Variants in KCNMB2 observed in about 807,000 individuals in gnomAD.
KCNMB2 encodes the protein calcium-activated potassium channel subunit beta-2.
KCNMB2 carries 9 observed loss-of-function variants against 24.5 expected under a neutral mutation model. That is an observed-to-expected ratio of 0.37 (90% CI 0.22 to 0.64). KCNMB2 has a LOEUF of 0.64. Ranked by LOEUF, KCNMB2 falls within the 30% of genes least tolerant of loss-of-function variation. The probability of loss-of-function intolerance (pLI) is 0.63; values close to 1 mark genes in which losing one functional copy is unlikely to be tolerated. For synonymous variants in KCNMB2, 109 were observed against 104.4 expected, an observed-to-expected ratio of 1.04 and a Z score of -0.27; for missense variants, 226 against 284.3, an observed-to-expected ratio of 0.79 and a Z score of 1.47.
intron 1 of KCNMB2, among the ~76,000 whole-genome samples, chr3:178,769,576 C>G (rs558314384): frequency 6.6e-6 from 1 of 152,206 alleles, no homozygotes; most frequent in South Asian, 2.1e-4. Flanking sequence ...TAATAATATT[C>G]CAGAAAAGAA....
chr3:178,537,747 T>C (rs1336494519), intron 1 of KCNMB2, among the ~76,000 whole-genome samples: 1 of 152,178 alleles, frequency 6.6e-6, no homozygotes, highest in Non-Finnish European at 1.5e-5. Context: ...CAATGTGAAG[T>C]GGCAGAAACA....
chr3:178,814,765 C>G (rs557954033), intron 2 of KCNMB2, among the ~76,000 whole-genome samples: 5 of 151,924 alleles, frequency 3.3e-5, no homozygotes, highest in African/African-American at 1.2e-4. Context: ...ATATATGTGT[C>G]TTTTTTTTGA....
At chr3:178,730,405 A>ACCCCCCCCCCC (rs71181246) in intron 1 of KCNMB2, among the ~76,000 whole-genome samples, 4 of 112,148 alleles carry the variant, frequency 3.6e-5, no homozygotes, top group Admixed American at 9.2e-5. Context: ...GTCCCCCAAC[A>ACCCCCCCCCCC]CCCCCCCACA....
At chr3:178,551,826 T>G (rs1715963004) in intron 1 of KCNMB2, among the ~76,000 whole-genome samples, 1 of 152,088 alleles carries the variant, frequency 6.6e-6, no homozygotes, top group South Asian at 2.1e-4. Flanking sequence ...GTACACAACT[T>G]GTAGATGGCA....
At chr3:178,551,164 T>C (rs949582633) in intron 1 of KCNMB2, among the ~76,000 whole-genome samples, 3 of 152,150 alleles carry the variant, frequency 2.0e-5, no homozygotes, top group Admixed American at 6.5e-5. Context: ...AAAGGGCCGG[T>C]GAGGATGAAG....
chr3:178,571,200 G>C (rs1716766430), intron 1 of KCNMB2, among the ~76,000 whole-genome samples: 1 of 151,620 alleles, frequency 6.6e-6, no homozygotes, highest in African/African-American at 2.4e-5. Context: ...ATGTGTAGCA[G>C]AGTCTTTTGT....
At chr3:178,593,475 T>C (rs917336498) in intron 1 of KCNMB2, among the ~76,000 whole-genome samples, 7 of 152,166 alleles carry the variant, frequency 4.6e-5, no homozygotes, top group African/African-American at 1.4e-4. Context: ...CACTTTTTCA[T>C]TGGATAAGTT....
chr3:178,651,252 T>C (rs2108559541), intron 1 of KCNMB2, among the ~76,000 whole-genome samples: 1 of 152,292 alleles, frequency 6.6e-6, no homozygotes. Flanking sequence ...AAAATCAATG[T>C]GCAAAAATCA....
intron 1 of KCNMB2, among the ~76,000 whole-genome samples, chr3:178,586,959 A>C (rs1007788879): frequency 2.2e-4 from 33 of 152,196 alleles, no homozygotes; most frequent in African/African-American, 5.8e-4. Context: ...TTTTTAATCC[A>C]CCTGGACTAA....
At chr3:178,682,157 C>T (rs1042323861) in intron 1 of KCNMB2, among the ~76,000 whole-genome samples, 8 of 152,156 alleles carry the variant, frequency 5.3e-5, no homozygotes. Flanking sequence ...GAGTTTGAAC[C>T]TGCAATCTTA....
intron 1 of KCNMB2, among the ~76,000 whole-genome samples, chr3:178,783,948 T>A (rs1712987075): frequency 6.6e-6 from 1 of 152,366 alleles, no homozygotes; most frequent in African/African-American, 2.4e-5. Context: ...ATAGCTCTTA[T>A]TATTTTGAAA....
intron 1 of KCNMB2, among the ~76,000 whole-genome samples, chr3:178,794,847 G>A (rs922680025): frequency 5.3e-5 from 8 of 152,284 alleles, no homozygotes; most frequent in African/African-American, 1.9e-4. Context: ...TTGGAGTGTG[G>A]TAAGGACAAG....
chr3:178,802,980 G>A (rs1266237921), intron 1 of KCNMB2, among the ~76,000 whole-genome samples: 1 of 151,998 alleles, frequency 6.6e-6, no homozygotes, highest in African/African-American at 2.4e-5. Flanking sequence ...GTTTAATAAC[G>A]GGGTGAAAAA....
At chr3:178,798,092 T>C (rs1001850536) in intron 1 of KCNMB2, among the ~76,000 whole-genome samples, 34 of 152,184 alleles carry the variant, frequency 2.2e-4, no homozygotes, top group Non-Finnish European at 2.4e-4. Context: ...CAAAGACAAT[T>C]TGACTTCCTC....
chr3:178,822,457 A>G (rs1714670115), intron 2 of KCNMB2, among the ~76,000 whole-genome samples: 1 of 152,238 alleles, frequency 6.6e-6, no homozygotes, highest in Non-Finnish European at 1.5e-5. Context: ...ATATTTATAT[A>G]CATGTCTGTT....
intron 1 of KCNMB2, among the ~76,000 whole-genome samples, chr3:178,708,436 C>T (rs938710779): frequency 6.6e-6 from 1 of 152,092 alleles, no homozygotes; most frequent in Admixed American, 6.6e-5. Context: ...GGGTAAAATG[C>T]TATTGTTTAC....
At chr3:178,661,826 C>T (rs1458742706) in intron 1 of KCNMB2, among the ~76,000 whole-genome samples, 1 of 152,200 alleles carries the variant, frequency 6.6e-6, no homozygotes, top group Non-Finnish European at 1.5e-5. Context: ...CTCTGCTCTA[C>T]ATGTCTTTAA....
rs1302701998 is a variant in KCNMB2 at position 178,759,662 on chromosome 3, G to GGA, written c.-67-47680_-67-47679dup. 4.6e-4 allele frequency among the ~76,000 whole-genome samples: 29 copies of GGA among 62,840 alleles called. 3 individuals are homozygous for GGA. The highest frequency in any genetic ancestry group is 1.8e-3 in the African/African-American group (28 of 15,976). 41.2% of individuals were successfully genotyped at this position (62,840 alleles called of 152,430 possible). ...ATATATATATATATATCTCCAAGAGGGATATATATATATATATCCAAGAGG... is the reference window on the plus strand; with the variant it reads ...ATATATATATATATATCTCCAAGAGGGAGATATATATATATATATCCAAGAGG... On this transcript the variant is annotated intron_variant, in intron 1 of 4. Coordinates refer to ENST00000452583, the MANE Select transcript of KCNMB2 (RefSeq NM_181361.3).
intron 1 of KCNMB2, among the ~76,000 whole-genome samples, chr3:178,724,857 T>C (rs1451211249): frequency 6.6e-6 from 1 of 152,182 alleles, no homozygotes; most frequent in East Asian, 1.9e-4. Context: ...CTTCCATTGG[T>C]CTATGTGTCT....
Sources: gnomAD v4.1 joint callset for allele counts (sites outside exome capture counted in the v4.1 genomes callset) on GRCh38, gnomAD v4.1.1 for gene constraint, MANE v1.5 for transcripts, NCBI Gene and HGNC (gene_info 2026-07-23, HGNC 2026-07-21) for gene names.